Variants in DCAF10 observed in about 807,000 individuals in gnomAD.
DCAF10 encodes the protein DDB1 and CUL4 associated factor 10, also known as DDB1- and CUL4-associated factor 10.
Under a neutral mutation model 51.9 loss-of-function variants are expected in DCAF10, and 19 were observed. That is an observed-to-expected ratio of 0.37 (90% CI 0.26 to 0.54). The LOEUF (loss-of-function observed/expected upper bound fraction) is 0.54, where lower values mean the gene tolerates loss of function less well. Among genes scored for constraint, DCAF10 ranks in the 20% least tolerant of loss-of-function variants. The pLI is 0.87. For missense variants in DCAF10, 510 were observed against 730.6 expected (o/e 0.70, Z 3.48); for synonymous variants, 291 against 297.1 (o/e 0.98, Z 0.21).
chr9:37,861,671 G>C lies in DCAF10; in HGVS notation c.*163G>C, dbSNP rs951758101. On this transcript the variant is annotated 3_prime_UTR_variant, in exon 7 of 7. Coordinates refer to ENST00000377724, the MANE Select transcript of DCAF10 (RefSeq NM_024345.5). The surrounding 1 kb of genome is among the most constrained non-coding windows in gnomAD (Gnocchi z 4.9). ...TGTGACCTTAGTACTTGGTCATCCA[G>C]CATCATACAGGCATCTCCAAGTTAG... 4.3e-6 allele frequency: 4 copies of C among 940,224 alleles called. No homozygotes were observed. The African/African-American group carries it at 6.7e-5, about 16-fold the overall frequency. The allele number at this position is 940,224 out of a possible 1,614,324, so 58.2% of individuals were successfully genotyped here.
At chr9:37,807,549 T>A (rs1475778023) in intron 1 of DCAF10, among the ~76,000 whole-genome samples, 1 of 152,076 alleles carries the variant, frequency 6.6e-6, no homozygotes, top group African/African-American at 2.4e-5. Context: ...GCTACAATGG[T>A]TATCACCTGG....
chr9:37,841,156 G>A (rs1384504277), intron 2 of DCAF10, among the ~76,000 whole-genome samples: 4 of 152,170 alleles, frequency 2.6e-5, no homozygotes, highest in African/African-American at 9.7e-5. Context: ...AGATCCAGGG[G>A]CAGGAGGAAG....
rs1264047290 is a variant in DCAF10 at position 37,819,276 on chromosome 9, A to G, written c.540-12A>G. 2 of 1,602,672 alleles carry G rather than the reference A, an allele frequency of 1.2e-6. No homozygotes were observed. Among genetic ancestry groups the G allele is most frequent in the South Asian group, 1.1e-5 (1 of 89,984 alleles). ...GAAAACTAAACAAGATAAATGTGTC[A>G]TTTGCTTTCAGGTCAGTGCTGACAG... On this transcript the variant is annotated splice_polypyrimidine_tract_variant and intron_variant, in intron 1 of 6. Transcript: ENST00000377724.
intron 1 of DCAF10, among the ~76,000 whole-genome samples, chr9:37,807,863 T>C (rs1349277247): frequency 6.6e-6 from 1 of 152,030 alleles, no homozygotes; most frequent in African/African-American, 2.4e-5. Context: ...GGTTTCACCA[T>C]GTTAGTCAGG....
intron 1 of DCAF10, among the ~76,000 whole-genome samples, chr9:37,816,659 G>GGGGTGGGTGTGTGTGTGTGT (rs372664140): frequency 2.1e-5 from 3 of 144,890 alleles, no homozygotes; most frequent in African/African-American, 7.5e-5. Flanking sequence ...CTGCACCTGG[G>GGGGTGGGTGTGTGTGTGTGT]GTGTGTGTGT....
chr9:37,819,228 A>C (rs1269473262), intron 1 of DCAF10, 60 bp from the exon 2 acceptor site: 1 of 1,313,948 alleles, frequency 7.6e-7, no homozygotes, highest in Non-Finnish European at 1.1e-6. Context: ...AAATAAGTGA[A>C]CATCAATAAC....
intron 5 of DCAF10, among the ~76,000 whole-genome samples, chr9:37,858,928 A>C (rs1013615457): frequency 6.6e-6 from 1 of 152,218 alleles, no homozygotes; most frequent in Admixed American, 6.5e-5. Context: ...CTCAGCCCAC[A>C]CGTGGTTCCC....
chr9:37,845,859 A>T (rs1830458701), intron 3 of DCAF10, among the ~76,000 whole-genome samples: 1 of 152,222 alleles, frequency 6.6e-6, no homozygotes, highest in Non-Finnish European at 1.5e-5. Flanking sequence ...CCATTAAAGA[A>T]ATGGAAAAAA....
chr9:37,834,215 G>C (rs1334749221), intron 2 of DCAF10, among the ~76,000 whole-genome samples: 1 of 152,070 alleles, frequency 6.6e-6, no homozygotes, highest in East Asian at 1.9e-4. Context: ...TGGAATTACG[G>C]GAGTGAGACA....
intron 3 of DCAF10, among the ~76,000 whole-genome samples, chr9:37,851,015 G>A (rs1490722831): frequency 2.6e-5 from 4 of 151,416 alleles, no homozygotes; most frequent in South Asian, 2.1e-4. Flanking sequence ...AGGCCAAGGC[G>A]GGTGGATCAT....
At chr9:37,833,140 G>A (rs1471174563) in intron 2 of DCAF10, among the ~76,000 whole-genome samples, 2 of 152,186 alleles carry the variant, frequency 1.3e-5, no homozygotes, top group East Asian at 3.8e-4. Flanking sequence ...CTACAGGCGT[G>A]AGCTGAAATG....
Position 37,861,409 on chromosome 9 carries a change from T to C in DCAF10, c.1581T>C (p.His527=), listed in dbSNP as rs1831013812. 1 of 1,614,090 alleles carries C rather than the reference T, an allele frequency of 6.2e-7. No individual in the cohort carries two copies. Among genetic ancestry groups the C allele is most frequent in the Admixed American group, 1.7e-5 (1 of 59,994 alleles). ...GGGTGATCCGTTCTCTGTACTCTCA[T>C]AATGATGTGGTACTGACAACAAAGT... ...PLRVIRSLYS[H]NDVVLTTKFS... Residue 527 remains histidine (H), a synonymous_variant, in exon 7 of 7, where the codon CAT becomes CAC. Coordinates refer to ENST00000377724, the MANE Select transcript of DCAF10 (RefSeq NM_024345.5). The surrounding 1 kb of genome is among the most constrained non-coding windows in gnomAD (Gnocchi z 4.9).
rs1015605139 is a variant in DCAF10, at chr9:37,863,912, A to T, written c.*2404A>T. The T allele has an allele frequency of 6.6e-6, 1 of 152,212 alleles. No individual in the cohort carries two copies. The highest frequency in any genetic ancestry group is 2.4e-5 in the African/African-American group (1 of 41,462). The allele number at this position is 152,212 out of a possible 1,614,324, so 9.4% of individuals were successfully genotyped here. The stretch of plus-strand genomic sequence containing the variant: ...ACCATGGATGTTAACAAAATTGGAA[A>T]TTTTTTGTCACTGAGAAAATTATCA... On this transcript the variant is annotated 3_prime_UTR_variant, in exon 7 of 7. Coordinates refer to ENST00000377724, the MANE Select transcript of DCAF10 (RefSeq NM_024345.5).
intron 1 of DCAF10, among the ~76,000 whole-genome samples, chr9:37,803,490 C>G (rs1393965872): frequency 6.6e-6 from 1 of 151,702 alleles, no homozygotes; most frequent in East Asian, 1.9e-4. Context: ...GTTAAATTGC[C>G]CTCTGCAAAG....
intron 1 of DCAF10, among the ~76,000 whole-genome samples, chr9:37,816,600 C>T (rs1198835877): frequency 2.0e-5 from 3 of 149,844 alleles, no homozygotes; most frequent in Non-Finnish European, 3.0e-5. Context: ...CAAAAAAAAA[C>T]AACACAACCT....
intron 2 of DCAF10, among the ~76,000 whole-genome samples, chr9:37,837,665 C>T (rs1830210563): frequency 6.6e-6 from 1 of 151,942 alleles, no homozygotes; most frequent in East Asian, 1.9e-4. Flanking sequence ...TATAGCAACC[C>T]CAGAGAAGTG....
chr9:37,845,583 T>A (rs1830449939), intron 3 of DCAF10, among the ~76,000 whole-genome samples: 1 of 152,190 alleles, frequency 6.6e-6, no homozygotes, highest in Non-Finnish European at 1.5e-5. Context: ...TCAGCTGAAG[T>A]ACTGTTAAAA....
chr9:37,801,047 T>A lies in DCAF10; in HGVS notation c.181T>A (p.Ser61Thr). 2.6e-6 allele frequency: 4 copies of A among 1,537,456 alleles called. No individual in the cohort carries two copies. The highest frequency in any genetic ancestry group is 1.9e-5 in the Admixed American group (1 of 53,132). ...AAGCCCTCGCCGCCCCGGCGCCCCA[T>A]CGCTGTCCCCGGCCCCGCGCTCCGG... is the stretch of plus-strand genomic sequence containing the variant. ...ARSPRRPGAP[S>T]LSPAPRSGEL... The change falls in exon 1 of 7, where the codon TCG (serine) becomes ACG (threonine). Residue 61 changes from serine to threonine, a missense_variant. By Grantham distance (58) the Ser-to-Thr change is moderately conservative. Coordinates refer to ENST00000377724, the MANE Select transcript of DCAF10 (RefSeq NM_024345.5). The surrounding 1 kb of genome is among the most constrained non-coding windows in gnomAD (Gnocchi z 5.5).
rs71494679 is a variant in DCAF10, at chr9:37,850,826, T to TTA, written c.852-3899_852-3898dup. On this transcript the variant is annotated intron_variant, in intron 3 of 6. Coordinates refer to ENST00000377724, the MANE Select transcript of DCAF10 (RefSeq NM_024345.5). ...AATGCTAAGTATGTGAGGATATATT[T>TTA]TATATATATATATATATATATATAT... 8.4e-3 allele frequency among the ~76,000 whole-genome samples: 382 copies of TTA among 45,634 alleles called. 5 individuals carry two copies. The highest frequency in any genetic ancestry group is 0.013 in the East Asian group (10 of 800). The allele number at this position is 45,634 out of a possible 152,430, so 29.9% of individuals were successfully genotyped here. A position where few individuals can be genotyped will look rare whatever the true frequency, so the allele number is the denominator to read the frequency against.
Sources: gnomAD v4.1 joint callset for allele counts (sites outside exome capture counted in the v4.1 genomes callset) on GRCh38, gnomAD v4.1.1 for gene constraint, Gnocchi (gnomAD v3.1) non-coding constraint, MANE v1.5 for transcripts, NCBI Gene and HGNC (gene_info 2026-07-23, HGNC 2026-07-21) for gene names.